The following TAOK1 variants were observed in gnomAD, a reference collection of about 807,000 sequenced individuals.
The protein encoded by TAOK1 is TAO kinase 1.
TAOK1 carries 21 observed loss-of-function variants against 138.3 expected under a neutral mutation model. The observed-to-expected ratio is 0.15, with a 90% CI of 0.11 to 0.22. The LOEUF (loss-of-function observed/expected upper bound fraction) is 0.22. Ranked by LOEUF, TAOK1 falls within the 10% of genes least tolerant of loss-of-function variation. The pLI is 1.00. For missense variants in TAOK1, 651 were observed against 1,227.7 expected (o/e 0.53, Z 7.02); for synonymous variants, 361 against 398.4 (o/e 0.91, Z 1.12).
intron 1 of TAOK1, among the ~76,000 whole-genome samples, chr17:29,443,444 A>G (rs1432980233): frequency 7.9e-5 from 12 of 152,196 alleles, no homozygotes; most frequent in Non-Finnish European, 1.8e-4. Flanking sequence ...AAAATAAATT[A>G]TATTGGATTT....
intron 15 of TAOK1, 32 bp from the exon 16 acceptor site, chr17:29,517,421 A>G (rs767908424): frequency 6.8e-6 from 11 of 1,609,420 alleles, no homozygotes; most frequent in Admixed American, 5.1e-5. Context: ...TGCCAGGCCT[A>G]TTTTTACCTG....
At chr17:29,397,692 T>TA (rs59974689) in intron 1 of TAOK1, among the ~76,000 whole-genome samples, 2 of 147,598 alleles carry the variant, frequency 1.4e-5, no homozygotes, top group Non-Finnish European at 3.0e-5. Flanking sequence ...TACATGTATA[T>TA]TCATGTATGC....
chr17:29,493,079 G>A (rs2031335058), intron 10 of TAOK1, among the ~76,000 whole-genome samples: 1 of 152,130 alleles, frequency 6.6e-6, no homozygotes, highest in African/African-American at 2.4e-5. Context: ...GGCAGAGGTT[G>A]CAATGAGCCA....
intron 15 of TAOK1, among the ~76,000 whole-genome samples, chr17:29,516,397 CA>C (rs1187358928): frequency 6.6e-6 from 1 of 150,902 alleles, no homozygotes; most frequent in Non-Finnish European, 1.5e-5. Flanking sequence ...TGCAGTGGCA[CA>C]ATCTTGGCTC....
At chr17:29,419,908 C>T (rs1236046933) in intron 1 of TAOK1, among the ~76,000 whole-genome samples, 1 of 152,104 alleles carries the variant, frequency 6.6e-6, no homozygotes, top group Non-Finnish European at 1.5e-5. Flanking sequence ...GAGACAGGGT[C>T]TCACTCTGTT....
chr17:29,543,165 C>A lies in TAOK1; in HGVS notation c.*143C>A. On this transcript the variant is annotated 3_prime_UTR_variant, in exon 20 of 20. Coordinates refer to ENST00000261716, the MANE Select transcript of TAOK1 (RefSeq NM_020791.4). ...GTATATTTTATTCATTTTTGTAAAGCGTTCTGTTTTGTGTTTACTAATTGG... is the reference window on the plus strand; with the variant it reads ...GTATATTTTATTCATTTTTGTAAAGAGTTCTGTTTTGTGTTTACTAATTGG... The A allele has an allele frequency of 1.3e-6, 1 of 753,314 alleles. No individual in the cohort carries two copies. The highest frequency in any genetic ancestry group is 2.0e-6 in the Non-Finnish European group (1 of 490,512). 46.7% of individuals were successfully genotyped at this position (753,314 alleles called of 1,614,324 possible).
At chr17:29,433,138 T>C (rs538672271) in intron 1 of TAOK1, among the ~76,000 whole-genome samples, 22 of 152,082 alleles carry the variant, frequency 1.4e-4, no homozygotes, top group Non-Finnish European at 3.1e-4. Context: ...GTTATAGGGC[T>C]AATAAAAGAA....
At chr17:29,443,002 G>T (rs1239069325) in intron 1 of TAOK1, among the ~76,000 whole-genome samples, 2 of 152,156 alleles carry the variant, frequency 1.3e-5, no homozygotes, top group Non-Finnish European at 1.5e-5. Flanking sequence ...TTACATATGT[G>T]TGTGTGTTTG....
chr17:29,509,027 G>T (rs1490092681), intron 14 of TAOK1, among the ~76,000 whole-genome samples: 1 of 152,010 alleles, frequency 6.6e-6, no homozygotes, highest in East Asian at 1.9e-4. Flanking sequence ...CACAAAAAAA[G>T]AACATTCTTA....
At chr17:29,478,451 AATAAT>A (rs1598498496) in intron 6 of TAOK1, 104 bp downstream of exon 6, 1 of 723,226 alleles carries the variant, frequency 1.4e-6, no homozygotes, top group South Asian at 2.9e-5. Flanking sequence ...AGCCAAATAA[AATAAT>A]ATAAGCTCAT....
intron 1 of TAOK1, among the ~76,000 whole-genome samples, chr17:29,436,355 C>T (rs1028426032): frequency 6.6e-6 from 1 of 152,100 alleles, no homozygotes; most frequent in Non-Finnish European, 1.5e-5. Context: ...AATATTCCAG[C>T]CAAAAGTCAG....
chr17:29,498,197 A>T (rs1428085634), intron 11 of TAOK1, 121 bp from the exon 12 acceptor site: 4 of 971,710 alleles, frequency 4.1e-6, no homozygotes, highest in Non-Finnish European at 6.1e-6. Flanking sequence ...GCAATTTCTC[A>T]TGATAGACCA....
At chr17:29,526,267 A>G (rs35763383) in intron 17 of TAOK1, among the ~76,000 whole-genome samples, 57,372 of 151,986 alleles carry the variant, frequency 0.38, 12,105 homozygotes, top group Non-Finnish European at 0.48. Context: ...CCTGGGCAAC[A>G]AGGGCAAAAC....
chr17:29,460,057 A>G (rs2153025029), intron 2 of TAOK1, among the ~76,000 whole-genome samples: 1 of 152,368 alleles, frequency 6.6e-6, no homozygotes, highest in African/African-American at 2.4e-5. Flanking sequence ...TATGATCTAC[A>G]AAGTGGTGAA....
chr17:29,391,683 AC>A, intron 1 of TAOK1, among the ~76,000 whole-genome samples: 1 of 151,756 alleles, frequency 6.6e-6, no homozygotes, highest in Middle Eastern at 3.4e-3. Context: ...TCGTTTTAAT[AC>A]TCTTCCCCTG....
chr17:29,508,262 T>C, intron 14 of TAOK1, 130 bp downstream of exon 14: 1 of 730,046 alleles, frequency 1.4e-6, no homozygotes, highest in Non-Finnish European at 2.3e-6. Flanking sequence ...GAGAAGCATT[T>C]ATGTGACTTA....
rs1445058224 is a variant in TAOK1, at chr17:29,545,091, A to G, written c.*2069A>G. ...ATAGAGTTCACACAAAATTTTAGGCAGTGTTTCAAGAAGCACTCTTATGTG... is the reference window on the plus strand; with the variant it reads ...ATAGAGTTCACACAAAATTTTAGGCGGTGTTTCAAGAAGCACTCTTATGTG... On this transcript the variant is annotated 3_prime_UTR_variant, in exon 20 of 20. Transcript: ENST00000261716. 1 of 152,214 alleles carries G rather than the reference A, an allele frequency of 6.6e-6. No homozygotes were observed. Among genetic ancestry groups the G allele is most frequent in the African/African-American group, 2.4e-5 (1 of 41,458 alleles). The allele number at this position is 152,214 out of a possible 1,614,324, so 9.4% of individuals were successfully genotyped here.
intron 1 of TAOK1, among the ~76,000 whole-genome samples, chr17:29,435,657 C>T (rs1906005427): frequency 6.6e-6 from 1 of 152,162 alleles, no homozygotes; most frequent in Admixed American, 6.5e-5. Flanking sequence ...TATTAGGTCA[C>T]TTTCTCCATG....
chr17:29,485,783 A>G (rs1470384185), intron 8 of TAOK1, among the ~76,000 whole-genome samples: 1 of 152,226 alleles, frequency 6.6e-6, no homozygotes, highest in Non-Finnish European at 1.5e-5. Context: ...ATAAGTATAT[A>G]TAATTTGAAC....
Sources: gnomAD v4.1 joint callset for allele counts (sites outside exome capture counted in the v4.1 genomes callset) on GRCh38, gnomAD v4.1.1 for gene constraint, MANE v1.5 for transcripts, NCBI Gene and HGNC (gene_info 2026-07-23, HGNC 2026-07-21) for gene names.